Variants in NEO1 observed in about 807,000 individuals in gnomAD.
The protein encoded by NEO1 is neogenin.
A neutral mutation model predicts 159.7 loss-of-function variants in NEO1; 63 were observed. The observed-to-expected ratio is 0.39, with a 90% CI of 0.32 to 0.49. The LOEUF (loss-of-function observed/expected upper bound fraction) is 0.49. Ranked by LOEUF, NEO1 falls within the 20% of genes least tolerant of loss-of-function variation. The pLI is 0.85. For synonymous variants in NEO1, 633 were observed against 662.0 expected, an observed-to-expected ratio of 0.96 and a Z score of 0.67; for missense variants, 1,615 against 1,831.0, an observed-to-expected ratio of 0.88 and a Z score of 2.15.
chr15:73,052,812 G>A lies in NEO1; in HGVS notation c.130+7G>A, dbSNP rs2067517873. On this transcript the variant is annotated splice_region_variant and intron_variant, in intron 1 of 28. Coordinates refer to ENST00000261908, the MANE Select transcript of NEO1 (RefSeq NM_002499.4). ...TCCGCGCCGCAGTCCCCAGGTAAGC[G>A]GCGGGCGCGGGCCCGGGGGTTCGCG... 2.3e-6 allele frequency: 2 copies of A among 873,160 alleles called. No homozygotes were observed. The highest frequency in any genetic ancestry group is 1.8e-5 in the African/African-American group (1 of 54,812). 54.1% of individuals were successfully genotyped at this position (873,160 alleles called of 1,614,324 possible). A position where few individuals can be genotyped will look rare whatever the true frequency, so the allele number is the denominator to read the frequency against.
chr15:73,293,664 A>G, intron 26 of NEO1, 116 bp downstream of exon 26: 1 of 1,094,412 alleles, frequency 9.1e-7, no homozygotes. Flanking sequence ...GTTTTATTTA[A>G]CTTAGCATAA....
chr15:73,144,879 A>AT lies in NEO1; in HGVS notation c.1015+8860dup, dbSNP rs2032752499. 2.6e-5 allele frequency among the ~76,000 whole-genome samples: 4 copies of AT among 151,842 alleles called. No homozygotes were observed. In the South Asian group the frequency reaches 8.3e-4, roughly 32 times the overall value. ...CATTCTTGATTATTTCAATCTTTTT[A>AT]TTTTTTTTCCACATTCAGTTCATTA... On this transcript the variant is annotated intron_variant, in intron 5 of 28. Coordinates refer to ENST00000261908, the MANE Select transcript of NEO1 (RefSeq NM_002499.4).
chr15:73,157,873 T>G (rs781469089), intron 5 of NEO1, among the ~76,000 whole-genome samples: 3 of 152,146 alleles, frequency 2.0e-5, no homozygotes, highest in Non-Finnish European at 2.9e-5. Flanking sequence ...ACTGTTTCCC[T>G]TGTTGATATT....
At chr15:73,292,890 A>T (rs1355233729) in intron 25 of NEO1, among the ~76,000 whole-genome samples, 2 of 152,248 alleles carry the variant, frequency 1.3e-5, no homozygotes, top group Non-Finnish European at 2.9e-5. Flanking sequence ...TTCATTCAGC[A>T]GTTTTAACAA....
intron 22 of NEO1, among the ~76,000 whole-genome samples, chr15:73,279,505 C>T (rs144342087): frequency 8.6e-5 from 13 of 152,028 alleles, no homozygotes; most frequent in South Asian, 6.2e-4. Context: ...CCTGCCACCA[C>T]GCCCAGCTAA....
In NEO1 at chr15:73,293,599, A is replaced by C. The variant is rs761008720; in HGVS notation, c.3901+51A>C. ...TGGAAACCATTCCAAAAGAGTCGGC[A>C]AGCAGAAATGGGGAAGGACTTGCCC... On this transcript the variant is annotated intron_variant, in intron 26 of 28. Coordinates refer to ENST00000261908, the MANE Select transcript of NEO1 (RefSeq NM_002499.4). 12 of 1,565,846 alleles carry C rather than the reference A, an allele frequency of 7.7e-6. No individual in the cohort carries two copies. The African/African-American group carries it at 1.5e-4, about 19-fold the overall frequency.
chr15:73,195,226 T>C (rs2036470614), intron 7 of NEO1, among the ~76,000 whole-genome samples: 1 of 152,218 alleles, frequency 6.6e-6, no homozygotes, highest in Non-Finnish European at 1.5e-5. Context: ...AAGAATCTAT[T>C]ATGCAGTGCT....
Position 73,122,544 on chromosome 15 carries a change from C to T in NEO1, c.468C>T (p.Ser156=), listed in dbSNP as rs1266528600. Residue 156 remains serine, a synonymous_variant, in exon 3 of 29, where the codon AGC becomes AGT. Coordinates refer to ENST00000261908, the MANE Select transcript of NEO1 (RefSeq NM_002499.4). ...GTCCAGGTCTTCCAAGATTTACCAG[C>T]CAACCAGAACCTTCCTCAGTTTATG... The part of the protein sequence containing the change: ...LIVAGLPRFT[S]QPEPSSVYAG... 6.2e-7 allele frequency: 1 copy of T among 1,613,782 alleles called. No homozygotes were observed. The highest frequency in any genetic ancestry group is 8.5e-7 in the Non-Finnish European group (1 of 1,179,840).
At chr15:73,259,364 T>C (rs1046995311) in intron 14 of NEO1, among the ~76,000 whole-genome samples, 11 of 102,212 alleles carry the variant, frequency 1.1e-4, no homozygotes, top group African/African-American at 3.4e-4. Flanking sequence ...GAGTCTCATT[T>C]TACTAATTTT....
intron 7 of NEO1, among the ~76,000 whole-genome samples, chr15:73,220,386 G>C (rs544015916): frequency 1.3e-5 from 2 of 152,184 alleles, no homozygotes; most frequent in East Asian, 3.9e-4. Context: ...CAACTTTGGT[G>C]AATCTGACAA....
At position 73,270,393 on chromosome 15, in the gene NEO1, G is replaced by T. The variant is rs762146989; in HGVS notation, c.2796G>T (p.Val932=). The T allele has an allele frequency of 6.2e-7, 1 of 1,614,122 alleles. No individual in the cohort carries two copies. Among genetic ancestry groups the T allele is most frequent in the Non-Finnish European group, 8.5e-7 (1 of 1,180,028 alleles). The part of the protein sequence containing the change: ...PNTLYEFSVM[V]TKGRRSSTWS... ...CACTCTATGAATTCTCTGTGATGGT[G>T]ACCAAAGGTCGAAGATCAAGTACAT... is the stretch of plus-strand genomic sequence containing the variant. Residue 932 remains valine, a synonymous_variant, in exon 18 of 29, where the codon GTG becomes GTT. Transcript: ENST00000261908.
At chr15:73,062,062 G>A (rs1367024436) in intron 1 of NEO1, among the ~76,000 whole-genome samples, 1 of 152,138 alleles carries the variant, frequency 6.6e-6, no homozygotes, top group African/African-American at 2.4e-5. Context: ...GGAATTGTAG[G>A]GCAAGAGGGC....
At position 73,116,554 on chromosome 15, in the gene NEO1, A is replaced by T. The variant is rs2071331659; in HGVS notation, c.145A>T (p.Thr49Ser). 3 of 1,527,368 alleles carry T rather than the reference A, an allele frequency of 2.0e-6. No individual in the cohort carries two copies. In the East Asian group the frequency reaches 6.9e-5, roughly 35 times the overall value. 94.6% of individuals were successfully genotyped at this position (1,527,368 alleles called of 1,614,324 possible). ...APQSPGASIRTFTPFYFLVEP... is the reference protein window; with the variant it reads ...APQSPGASIRSFTPFYFLVEP... ...TATTTTTGTAGGAGCCAGCATTCGA[A>T]CGTTCACTCCATTTTATTTTCTGGT... is the stretch of plus-strand genomic sequence containing the variant. The change falls in exon 2 of 29, where the codon ACG (threonine) becomes TCG (serine). Residue 49 changes from threonine to serine, a missense_variant. By Grantham distance (58) the Thr-to-Ser change is moderately conservative. Transcript: ENST00000261908.
intron 7 of NEO1, among the ~76,000 whole-genome samples, chr15:73,231,606 T>C (rs1045497832): frequency 2.0e-5 from 3 of 152,138 alleles, no homozygotes; most frequent in African/African-American, 7.2e-5. Context: ...TGGATGTGCA[T>C]GCCTGTGGTC....
chr15:73,172,616 C>T (rs370734935), intron 5 of NEO1, among the ~76,000 whole-genome samples: 2 of 152,316 alleles, frequency 1.3e-5, no homozygotes, highest in East Asian at 3.9e-4. Context: ...AACTGCTTCA[C>T]AGTAAATCAC....
intron 7 of NEO1, among the ~76,000 whole-genome samples, chr15:73,204,904 C>CT (rs140445125): frequency 0.014 from 2,070 of 152,194 alleles, 19 homozygotes; most frequent in South Asian, 0.017. Flanking sequence ...GTTAATCCAG[C>CT]TAGAAGTTGG....
At chr15:73,277,895 C>T (rs765120291) in intron 21 of NEO1, among the ~76,000 whole-genome samples, 6 of 152,180 alleles carry the variant, frequency 3.9e-5, no homozygotes, top group Non-Finnish European at 8.8e-5. Context: ...ACAGTCAGCT[C>T]ACAGCCGTGA....
intron 26 of NEO1, among the ~76,000 whole-genome samples, chr15:73,296,802 C>T (rs2042390225): frequency 6.6e-6 from 1 of 152,130 alleles, no homozygotes; most frequent in African/African-American, 2.4e-5. Flanking sequence ...ATAGGCTGGA[C>T]TAAGGGATGA....
Position 73,159,204 on chromosome 15 carries a change from C to G in NEO1, c.1016-17199C>G, listed in dbSNP as rs188923145. ...AAACTAGTTTTTCAAAGCTGATAAA[C>G]ACTACAAACGTTACCAAAACCCAGA... On this transcript the variant is annotated intron_variant, in intron 5 of 28. Transcript: ENST00000261908. 7.6e-4 allele frequency among the ~76,000 whole-genome samples: 116 copies of G among 152,290 alleles called. 2 individuals carry two copies. Among genetic ancestry groups the G allele is most frequent in the African/African-American group, 2.7e-3 (112 of 41,560 alleles).
Sources: allele counts gnomAD v4.1 joint callset (sites outside exome capture counted in the v4.1 genomes callset), GRCh38; gene constraint gnomAD v4.1.1; transcripts MANE v1.5; gene names NCBI Gene and HGNC (gene_info 2026-07-23, HGNC 2026-07-21).